Variants in CMIP observed in about 807,000 individuals in gnomAD.
The protein encoded by CMIP is C-Maf-inducing protein.
Under a neutral mutation model 97.3 loss-of-function variants are expected in CMIP, and 13 were observed. The observed-to-expected ratio is 0.13, with a 90% CI of 0.09 to 0.21. The LOEUF (loss-of-function observed/expected upper bound fraction) is 0.21. Among genes scored for constraint, CMIP ranks in the 10% least tolerant of loss-of-function variants. CMIP has a pLI of 1.00. For missense variants in CMIP, 847 were observed against 1,024.9 expected (o/e 0.83, Z 2.37); for synonymous variants, 538 against 436.3 (o/e 1.23, Z -2.91).
At position 81,459,002 on chromosome 16, in the gene CMIP, ATCACCGTCACCG is replaced by A. The variant is rs200983960; in HGVS notation, c.300+13467_300+13478del. Among the ~76,000 whole-genome samples, 6 of 151,648 alleles carry A rather than the reference ATCACCGTCACCG, an allele frequency of 4.0e-5. No homozygotes were observed. The East Asian group carries it at 9.7e-4, about 24-fold the overall frequency. ...CTCCGCTGTCACCATCACTGTCACC[ATCACCGTCACCG>A]TCACCATCACTGTCACCATCACCAT... On this transcript the variant is annotated intron_variant, in intron 1 of 20. Transcript: ENST00000537098.
intron 1 of CMIP, among the ~76,000 whole-genome samples, chr16:81,590,499 C>T (rs2091450694): frequency 6.6e-6 from 1 of 152,152 alleles, no homozygotes; most frequent in Admixed American, 6.6e-5. Flanking sequence ...TGTGGGTGTC[C>T]CTGGGAGAGA....
At chr16:81,608,136 A>C (rs767134186) in intron 2 of CMIP, among the ~76,000 whole-genome samples, 25 of 152,230 alleles carry the variant, frequency 1.6e-4, no homozygotes, top group Non-Finnish European at 3.2e-4. Flanking sequence ...GGCTGATAGA[A>C]GTATAAGCTA....
chr16:81,491,063 G>C (rs370119364), intron 1 of CMIP, among the ~76,000 whole-genome samples: 1 of 152,162 alleles, frequency 6.6e-6, no homozygotes, highest in African/African-American at 2.4e-5. Context: ...GTTGGGCTGC[G>C]CGGGCTGAGC....
intron 1 of CMIP, among the ~76,000 whole-genome samples, chr16:81,486,735 G>A (rs889421130): frequency 2.0e-5 from 3 of 152,270 alleles, no homozygotes; most frequent in Non-Finnish European, 4.4e-5. Context: ...GAATCCAGCT[G>A]TGCCTGGTGG....
chr16:81,594,780 ATTT>A (rs570057427), intron 1 of CMIP, among the ~76,000 whole-genome samples: 10 of 115,046 alleles, frequency 8.7e-5, no homozygotes, highest in East Asian at 7.8e-4. Context: ...CGCCCAGCTA[ATTT>A]TTTTTTTTTT....
intron 10 of CMIP, among the ~76,000 whole-genome samples, chr16:81,688,214 C>T (rs543091251): frequency 4.7e-5 from 7 of 148,726 alleles, no homozygotes; most frequent in Non-Finnish European, 1.1e-4. Flanking sequence ...GTAGATGACT[C>T]GGAGTGGGTA....
intron 2 of CMIP, among the ~76,000 whole-genome samples, chr16:81,613,264 A>G (rs1597147160): frequency 6.6e-6 from 1 of 152,170 alleles, no homozygotes; most frequent in Non-Finnish European, 1.5e-5. Flanking sequence ...TCAGTAGGGC[A>G]GCTACCATGG....
At chr16:81,649,400 T>G (rs2092402057) in intron 3 of CMIP, among the ~76,000 whole-genome samples, 1 of 152,252 alleles carries the variant, frequency 6.6e-6, no homozygotes, top group East Asian at 1.9e-4. Context: ...CGTTGCCCAC[T>G]GGGCCCTGCT....
chr16:81,640,389 A>G (rs2092290185), intron 3 of CMIP, among the ~76,000 whole-genome samples: 2 of 151,400 alleles, frequency 1.3e-5, no homozygotes, highest in South Asian at 4.2e-4. Flanking sequence ...GCCTTCTGTG[A>G]AATGATGGGG....
intron 10 of CMIP, among the ~76,000 whole-genome samples, chr16:81,686,616 G>A (rs896690780): frequency 3.3e-5 from 5 of 152,292 alleles, no homozygotes; most frequent in East Asian, 3.9e-4. Context: ...TTTTCTCCGC[G>A]TCTGGCATCG....
rs369870588 is a variant in CMIP at position 81,510,664 on chromosome 16, T to A, written c.300+65123T>A. On this transcript the variant is annotated intron_variant, in intron 1 of 20. Transcript: ENST00000537098. ...TGATGGACCAGTCCAAGACCAATGT[T>A]TTTTTTTCCTTCATTAAAACAAAAA... Among the ~76,000 whole-genome samples, 305 of 152,138 alleles carry A rather than the reference T, an allele frequency of 2.0e-3. 1 individual carries two copies. Among genetic ancestry groups the A allele is most frequent in the Non-Finnish European group, 3.0e-3 (206 of 68,020 alleles).
intron 1 of CMIP, among the ~76,000 whole-genome samples, chr16:81,552,797 C>T (rs1380057506): frequency 6.6e-6 from 1 of 152,302 alleles, no homozygotes; most frequent in South Asian, 2.1e-4. Context: ...TGGGAGAAGC[C>T]AGGCTACCTG....
At chr16:81,543,249 C>T (rs1351933336) in intron 1 of CMIP, among the ~76,000 whole-genome samples, 3 of 152,196 alleles carry the variant, frequency 2.0e-5, no homozygotes, top group African/African-American at 7.2e-5. Flanking sequence ...CAAAGTGACA[C>T]CTGTGGGCCA....
At chr16:81,522,921 T>G (rs989138691) in intron 1 of CMIP, among the ~76,000 whole-genome samples, 1 of 152,096 alleles carries the variant, frequency 6.6e-6, no homozygotes, top group Non-Finnish European at 1.5e-5. Context: ...CATTTCTTTG[T>G]ATATGGTTTT....
chr16:81,675,895 TC>T, intron 9 of CMIP, among the ~76,000 whole-genome samples: 1 of 152,276 alleles, frequency 6.6e-6, no homozygotes, highest in East Asian at 1.9e-4. Context: ...TCTAACAAGC[TC>T]CCAGGCGAAG....
intron 1 of CMIP, among the ~76,000 whole-genome samples, chr16:81,572,922 C>A (rs905818111): frequency 6.6e-6 from 1 of 152,196 alleles, no homozygotes; most frequent in African/African-American, 2.4e-5. Flanking sequence ...ATGATTGGTC[C>A]CTGCCTCACA....
chr16:81,703,987 G>C lies in CMIP; in HGVS notation c.1993G>C (p.Glu665Gln). 1 of 1,601,524 alleles carries C rather than the reference G, an allele frequency of 6.2e-7. No homozygotes were observed. Among genetic ancestry groups the C allele is most frequent in the Non-Finnish European group, 8.5e-7 (1 of 1,174,968 alleles). ...GAGCTCCGGCTCCTTCGGAAACCTGGAGAACCTCAGTTTGGCCTTCACCAA... is the reference window on the plus strand; with the variant it reads ...GAGCTCCGGCTCCTTCGGAAACCTGCAGAACCTCAGTTTGGCCTTCACCAA... Reference protein sequence around the residue: ...LLSSGSFGNLENLSLAFTNVT... With the variant: ...LLSSGSFGNLQNLSLAFTNVT... Residue 665 changes from glutamate to glutamine, a missense_variant, in exon 18 of 21, where the codon GAG (glutamate) becomes CAG (glutamine). By Grantham distance (29) the Glu-to-Gln change is conservative. Coordinates refer to ENST00000537098, the MANE Select transcript of CMIP (RefSeq NM_198390.3).
At chr16:81,589,751 C>A (rs1020787268) in intron 1 of CMIP, among the ~76,000 whole-genome samples, 2 of 152,266 alleles carry the variant, frequency 1.3e-5, no homozygotes, top group African/African-American at 4.8e-5. Context: ...GAGAAGCACA[C>A]ATACTCAGGC....
intron 9 of CMIP, among the ~76,000 whole-genome samples, chr16:81,676,614 A>G (rs1287352346): frequency 6.6e-6 from 1 of 152,254 alleles, no homozygotes; most frequent in Admixed American, 6.5e-5. Context: ...GTTATCAACG[A>G]TAGAATTCTC....
Sources: allele counts gnomAD v4.1 joint callset (sites outside exome capture counted in the v4.1 genomes callset), GRCh38; gene constraint gnomAD v4.1.1; transcripts MANE v1.5; gene names NCBI Gene and HGNC (gene_info 2026-07-23, HGNC 2026-07-21).